Variants in FAM120A observed in about 807,000 individuals in gnomAD.
FAM120A encodes the protein constitutive coactivator of PPAR-gamma-like protein 1.
In FAM120A, 15 loss-of-function variants were observed where a neutral mutation model predicts 109.7. The ratio of observed to expected loss-of-function variants is 0.14; its 90% CI spans 0.09 to 0.21. The LOEUF is 0.21. Ranked by LOEUF, FAM120A falls within the 10% of genes least tolerant of loss-of-function variation. The probability of loss-of-function intolerance (pLI) is 1.00; values close to 1 mark genes in which losing one functional copy is unlikely to be tolerated. For missense variants in FAM120A, 899 were observed against 1,439.3 expected (o/e 0.62, Z 6.07); for synonymous variants, 493 against 572.8 (o/e 0.86, Z 1.99).
Position 93,451,877 on chromosome 9 carries a change from CCCCCCGCCCGCACCCGCGCCCGCG to C in FAM120A, c.-30_-7del, listed in dbSNP as rs1288226173. The C allele has an allele frequency of 1.7e-6, 2 of 1,178,274 alleles. No individual in the cohort carries two copies. Among genetic ancestry groups the C allele is most frequent in the Non-Finnish European group, 2.1e-6 (2 of 953,952 alleles). The allele number at this position is 1,178,274 out of a possible 1,614,324, so 73.0% of individuals were successfully genotyped here. A position where few individuals can be genotyped will look rare whatever the true frequency, so the allele number is the denominator to read the frequency against. ...GGCCCCACCACCCCCGGCCCCGCCGCCCCCCGCCCGCACCCGCGCCCGCGCCCCCGCCGCCGCCATGGGCGTGCA... is the reference window on the plus strand; with the variant it reads ...GGCCCCACCACCCCCGGCCCCGCCGCCCCCCGCCGCCGCCATGGGCGTGCA... On this transcript the variant is annotated 5_prime_UTR_variant, in exon 1 of 18. Coordinates refer to ENST00000277165, the MANE Select transcript of FAM120A (RefSeq NM_014612.5).
chr9:93,504,071 T>C (rs1433377004), intron 5 of FAM120A, among the ~76,000 whole-genome samples: 1 of 152,112 alleles, frequency 6.6e-6, no homozygotes, highest in Non-Finnish European at 1.5e-5. Context: ...TGGTTCTGAT[T>C]GATTAGATTA....
intron 11 of FAM120A, among the ~76,000 whole-genome samples, chr9:93,548,409 C>G (rs997482632): frequency 1.3e-5 from 2 of 152,062 alleles, no homozygotes; most frequent in Non-Finnish European, 2.9e-5. Context: ...GAACCAATAG[C>G]TAGGGGCTGA....
chr9:93,550,657 A>G lies in FAM120A; in HGVS notation c.2240A>G (p.Lys747Arg), dbSNP rs745450395. Residue 747 changes from lysine (K) to arginine (R), a missense_variant, in exon 12 of 18, where the codon AAA becomes AGA. Coordinates refer to ENST00000277165, the MANE Select transcript of FAM120A (RefSeq NM_014612.5). ...DAFLAQALSP[K>R]LYEPDQLQEL... ...TTCCTGGCTCAGGCGCTGTCCCCCA[A>G]ACTCTACGAGCCTGATCAGCTCCAG... 6 of 1,613,850 alleles carry G rather than the reference A, an allele frequency of 3.7e-6. No individual in the cohort carries two copies. The highest frequency in any genetic ancestry group is 5.1e-6 in the Non-Finnish European group (6 of 1,179,998).
At chr9:93,497,092 G>A (rs1166297540) in intron 3 of FAM120A, among the ~76,000 whole-genome samples, 2 of 152,174 alleles carry the variant, frequency 1.3e-5, no homozygotes, top group African/African-American at 4.8e-5. Flanking sequence ...GAAAGGGAGC[G>A]AATGGTGGCT....
At position 93,452,320 on chromosome 9, in the gene FAM120A, G is replaced by A. The variant is rs760909343; in HGVS notation, c.405G>A (p.Lys135=). 6.2e-7 allele frequency: 1 copy of A among 1,612,936 alleles called. No homozygotes were observed. Among genetic ancestry groups the A allele is most frequent in the African/African-American group, 1.3e-5 (1 of 74,944 alleles). ...HVQNKGTPPP[K]VWFLPPVCMA... is the part of the protein sequence containing the mutation. The stretch of plus-strand genomic sequence containing the variant: ...AGAACAAGGGCACCCCGCCGCCAAA[G>A]GTCTGGTTCCTGCCGCCCGTCTGCA... Residue 135 remains lysine (K), a synonymous_variant, in exon 1 of 18, where the codon AAG becomes AAA. Coordinates refer to ENST00000277165, the MANE Select transcript of FAM120A (RefSeq NM_014612.5). This position sits in a 1 kb window ranked among gnomAD's most constrained non-coding sequence, Gnocchi z 7.0.
intron 10 of FAM120A, among the ~76,000 whole-genome samples, chr9:93,534,631 C>T (rs1191618085): frequency 1.3e-5 from 2 of 152,150 alleles, no homozygotes; most frequent in Non-Finnish European, 2.9e-5. Context: ...CTCCTCTTCT[C>T]CTTCTTTTTA....
rs76972737 is a variant in FAM120A, at chr9:93,465,208, A to G, written c.475-5933A>G. Among the ~76,000 whole-genome samples the G allele has an allele frequency of 2.7e-3, 406 of 152,278 alleles. 16 individuals are homozygous for G. In the East Asian group the frequency reaches 0.061, roughly 23 times the overall value. The stretch of plus-strand genomic sequence containing the variant: ...AACCCAGAATCTTTTTTCCATTCCC[A>G]CCCAAACCTTGCATTGTATTGTCTT... On this transcript the variant is annotated intron_variant, in intron 1 of 17. Coordinates refer to ENST00000277165, the MANE Select transcript of FAM120A (RefSeq NM_014612.5).
chr9:93,478,270 CATTT>C (rs370586982), intron 3 of FAM120A, among the ~76,000 whole-genome samples: 27 of 146,828 alleles, frequency 1.8e-4, no homozygotes, highest in Middle Eastern at 3.6e-3. Flanking sequence ...TTTTCAGAGT[CATTT>C]ATAGGTTTTT....
At chr9:93,455,438 A>G (rs1320179395) in intron 1 of FAM120A, among the ~76,000 whole-genome samples, 1 of 152,214 alleles carries the variant, frequency 6.6e-6, no homozygotes, top group Non-Finnish European at 1.5e-5. Context: ...GCTACCATAC[A>G]TTAAAATCAG....
chr9:93,551,128 A>G (rs867194632), intron 12 of FAM120A, among the ~76,000 whole-genome samples: 22 of 152,232 alleles, frequency 1.4e-4, no homozygotes, highest in Non-Finnish European at 1.2e-4. Context: ...TCTCTAAAAA[A>G]TATTCTTTGC....
intron 1 of FAM120A, 139 bp from the exon 2 acceptor site, chr9:93,471,002 G>C: frequency 1.0e-6 from 1 of 991,130 alleles, no homozygotes; most frequent in Non-Finnish European, 1.5e-6. Context: ...CTTTATTATG[G>C]CATTTTTTTG....
rs16909308 is a variant in FAM120A, at chr9:93,564,074, G to A, written c.3046-155G>A. On this transcript the variant is annotated intron_variant, in intron 17 of 17. Coordinates refer to ENST00000277165, the MANE Select transcript of FAM120A (RefSeq NM_014612.5). ...GACTGAGACAGGTAGAGCATCTACC[G>A]CCCAAAAGTCAAAGCAAAGACAGGG... 0.032 allele frequency among the ~76,000 whole-genome samples: 4,623 copies of A among 146,252 alleles called. 115 individuals carry two copies. The highest frequency in any genetic ancestry group is 0.06 in the African/African-American group (2,159 of 35,922).
chr9:93,523,482 C>A, intron 7 of FAM120A: 1 of 354,864 alleles, frequency 2.8e-6, no homozygotes, highest in Non-Finnish European at 5.0e-6. Flanking sequence ...ACACATGGTA[C>A]CATTTCTAAT....
intron 10 of FAM120A, among the ~76,000 whole-genome samples, chr9:93,539,445 T>C (rs975075432): frequency 2.0e-5 from 3 of 152,238 alleles, no homozygotes; most frequent in Non-Finnish European, 4.4e-5. Context: ...TTGGTGGTGA[T>C]ACACAAGATT....
rs1860086315 is a variant in FAM120A at position 93,506,905 on chromosome 9, G to A, written c.1030+8019G>A. ...GTGTGAGCTACCACACCTGGCCGGGGCACGATTTTTAATAGAAGGTGCGAT... is the reference window on the plus strand; with the variant it reads ...GTGTGAGCTACCACACCTGGCCGGGACACGATTTTTAATAGAAGGTGCGAT... On this transcript the variant is annotated intron_variant, in intron 5 of 17. Transcript: ENST00000277165. Among the ~76,000 whole-genome samples the A allele has an allele frequency of 3.3e-5, 5 of 152,038 alleles. No homozygotes were observed. The South Asian group carries it at 1.0e-3, about 32-fold the overall frequency.
rs780222616 is a variant in FAM120A, at chr9:93,532,223, C to G, written c.1803C>G (p.Leu601=). Residue 601 remains leucine (L), a synonymous_variant, in exon 10 of 18, where the codon CTC becomes CTG. Coordinates refer to ENST00000277165, the MANE Select transcript of FAM120A (RefSeq NM_014612.5). This position sits in a 1 kb window ranked among gnomAD's most constrained non-coding sequence, Gnocchi z 4.3. ...AGGACCTGCCTCCGGCCGCTCTGCT[C>G]TATAGGCCAGTTCGTCAGTATGTTT... is the stretch of plus-strand genomic sequence containing the variant. The part of the protein sequence containing the change: ...ANKDLPPAAL[L]YRPVRQYVYG... 5.6e-6 allele frequency: 9 copies of G among 1,614,234 alleles called. No individual in the cohort carries two copies. The highest frequency in any genetic ancestry group is 6.8e-6 in the Non-Finnish European group (8 of 1,180,042).
chr9:93,549,491 C>G (rs1264700157), intron 11 of FAM120A, among the ~76,000 whole-genome samples: 1 of 152,174 alleles, frequency 6.6e-6, no homozygotes, highest in Admixed American at 6.5e-5. Flanking sequence ...AATGAGCTGT[C>G]TAGAACCTCC....
At chr9:93,466,148 C>T (rs550205606) in intron 1 of FAM120A, among the ~76,000 whole-genome samples, 20 of 152,218 alleles carry the variant, frequency 1.3e-4, no homozygotes, top group Non-Finnish European at 2.8e-4. Flanking sequence ...CATCCTCATA[C>T]TTTGGAAGCA....
At chr9:93,479,129 C>T (rs541125611) in intron 3 of FAM120A, among the ~76,000 whole-genome samples, 4 of 125,302 alleles carry the variant, frequency 3.2e-5, no homozygotes, top group South Asian at 2.4e-4. Context: ...GACGGAGTCT[C>T]GCTCTGTCGC....
Sources: gnomAD v4.1 joint callset for allele counts (sites outside exome capture counted in the v4.1 genomes callset) on GRCh38, gnomAD v4.1.1 for gene constraint, Gnocchi (gnomAD v3.1) non-coding constraint, MANE v1.5 for transcripts, NCBI Gene and HGNC (gene_info 2026-07-23, HGNC 2026-07-21) for gene names.